The following ATP9A variants were observed in gnomAD, a reference collection of about 807,000 sequenced individuals.
The protein encoded by ATP9A is ATPase phospholipid transporting 9A.
A neutral mutation model predicts 144.1 loss-of-function variants in ATP9A; 52 were observed. That is an observed-to-expected ratio of 0.36 (90% CI 0.29 to 0.45). The LOEUF (loss-of-function observed/expected upper bound fraction) is 0.45. Among genes scored for constraint, ATP9A ranks in the 20% least tolerant of loss-of-function variants. The probability of loss-of-function intolerance (pLI) is 1.00; values close to 1 mark genes in which losing one functional copy is unlikely to be tolerated. For synonymous variants in ATP9A, 582 were observed against 557.4 expected (o/e 1.04, Z -0.62); for missense variants, 947 against 1,392.7 (o/e 0.68, Z 5.09).
rs76978326 is a variant in ATP9A at position 51,668,581 on chromosome 20, C to T, written c.1293+1416G>A. ...CCCCAAATCACCACACAGAGGAAGA[C>T]GGTCAAAGAGACAGAAAGGAAACGG... is the stretch of plus-strand genomic sequence containing the variant. On this transcript the variant is annotated intron_variant, in intron 13 of 27. Coordinates refer to ENST00000338821, the MANE Select transcript of ATP9A (RefSeq NM_006045.3). Among the ~76,000 whole-genome samples, 113 of 152,164 alleles carry T rather than the reference C, an allele frequency of 7.4e-4. No homozygotes were observed. The East Asian group carries it at 0.019, about 25-fold the overall frequency.
At chr20:51,758,238 A>G (rs1293949307) in intron 1 of ATP9A, among the ~76,000 whole-genome samples, 2 of 152,194 alleles carry the variant, frequency 1.3e-5, no homozygotes, top group African/African-American at 4.8e-5. Flanking sequence ...ATTAGAGAAA[A>G]CAGATACTAG....
chr20:51,720,014 A>T (rs1363876586), intron 3 of ATP9A, among the ~76,000 whole-genome samples: 1 of 152,200 alleles, frequency 6.6e-6, no homozygotes, highest in African/African-American at 2.4e-5. Context: ...ATGCCACTGC[A>T]CTCCAGCCTG....
intron 15 of ATP9A, among the ~76,000 whole-genome samples, chr20:51,633,440 G>A (rs2077277859): frequency 6.6e-6 from 1 of 152,124 alleles, no homozygotes; most frequent in African/African-American, 2.4e-5. Context: ...AAGGTCTTTT[G>A]TTGGGTGAAA....
intron 4 of ATP9A, among the ~76,000 whole-genome samples, chr20:51,708,306 AAAT>A (rs1229431424): frequency 1.3e-5 from 2 of 152,004 alleles, no homozygotes; most frequent in African/African-American, 2.4e-5. Flanking sequence ...AAAAAAAAAA[AAAT>A]GATACACCTT....
chr20:51,700,915 G>T (rs1180473105), intron 4 of ATP9A, among the ~76,000 whole-genome samples: 1 of 152,172 alleles, frequency 6.6e-6, no homozygotes. Context: ...TTCATGGCCT[G>T]AACCACTCTT....
intron 13 of ATP9A, among the ~76,000 whole-genome samples, chr20:51,662,008 CA>C (rs1169199988): frequency 1.3e-5 from 2 of 152,190 alleles, no homozygotes; most frequent in African/African-American, 2.4e-5. Flanking sequence ...TGTGAGGGGA[CA>C]GGGGTACTAT....
chr20:51,632,008 G>A (rs2077271956), intron 15 of ATP9A, among the ~76,000 whole-genome samples: 1 of 152,154 alleles, frequency 6.6e-6, no homozygotes, highest in South Asian at 2.1e-4. Flanking sequence ...ACCCAAACTG[G>A]GGCTGTCCAC....
chr20:51,697,464 C>A lies in ATP9A; in HGVS notation c.455G>T (p.Ser152Ile), dbSNP rs1205036443. 1 of 1,613,626 alleles carries A rather than the reference C, an allele frequency of 6.2e-7. No individual in the cohort carries two copies. The highest frequency in any genetic ancestry group is 1.1e-5 in the South Asian group (1 of 90,968). Residue 152 changes from serine to isoleucine, a missense_variant, in exon 5 of 28, where the codon AGT becomes ATT. Transcript: ENST00000338821. ...AAGGTCTCCAACTTGGATGTTAGAA[C>A]TCTTCACCTTCACTGTGCCTGCAAA... ...LTARGTVKVKSSNIQVGDLII... is the reference protein window; with the variant it reads ...LTARGTVKVKISNIQVGDLII...
At chr20:51,626,542 G>T (rs567783276) in intron 17 of ATP9A, among the ~76,000 whole-genome samples, 1 of 151,708 alleles carries the variant, frequency 6.6e-6, no homozygotes, top group Admixed American at 6.6e-5. Context: ...CAGATGCGGT[G>T]GCTCACACTT....
intron 1 of ATP9A, chr20:51,732,643 C>T (rs1272744116): frequency 7.0e-6 from 1 of 142,760 alleles, no homozygotes; most frequent in Non-Finnish European, 1.5e-5. Context: ...GTAACTCATT[C>T]TTGTTGGCCC....
chr20:51,629,119 C>G, intron 15 of ATP9A, 47 bp from the exon 16 acceptor site: 1 of 1,494,956 alleles, frequency 6.7e-7, no homozygotes, highest in Non-Finnish European at 9.3e-7. Flanking sequence ...GGAACACCCT[C>G]TTTCAGCGGC....
In ATP9A at chr20:51,725,839, A is replaced by G. The variant is rs2077709906; in HGVS notation, c.307T>C (p.Tyr103His). ...FVPEMRLGAL[Y>H]TYWVPLGFVL... The stretch of plus-strand genomic sequence containing the variant: ...CTTACCAGGGGAACCCAGTAGGTAT[A>G]GAGTGCACCAAGTCTCATTTCGGGA... The change falls in exon 3 of 28, where the codon TAT becomes CAT. Residue 103 changes from tyrosine (Y) to histidine (H), a missense_variant. By Grantham distance (83) the Tyr-to-His change is moderately conservative. This residue lies in a region of ATP9A where 770 missense variants were observed against 1,047.9 expected (regional missense o/e 0.73). Coordinates refer to ENST00000338821, the MANE Select transcript of ATP9A (RefSeq NM_006045.3). The G allele has an allele frequency of 6.2e-7, 1 of 1,608,440 alleles. No homozygotes were observed. Among genetic ancestry groups the G allele is most frequent in the Admixed American group, 1.7e-5 (1 of 59,988 alleles).
At chr20:51,702,361 T>G (rs2077597401) in intron 4 of ATP9A, among the ~76,000 whole-genome samples, 1 of 128,026 alleles carries the variant, frequency 7.8e-6, no homozygotes, top group Non-Finnish European at 1.6e-5. Flanking sequence ...ATGGTGTGTG[T>G]GTTCGTGTGT....
In ATP9A at chr20:51,611,630, T is replaced by C. The variant is rs1365591598; in HGVS notation, c.2572-1465A>G. On this transcript the variant is annotated intron_variant, in intron 23 of 27. Transcript: ENST00000338821. This position sits in a 1 kb window ranked among gnomAD's most constrained non-coding sequence, Gnocchi z 4.2. ...AGAACAATGCCTCATCCTGGAATTC[T>C]TTTTCTACATCAATGTTAACAGTAA... 1.3e-5 allele frequency among the ~76,000 whole-genome samples: 2 copies of C among 152,218 alleles called. No homozygotes were observed. Among genetic ancestry groups the C allele is most frequent in the African/African-American group, 2.4e-5 (1 of 41,444 alleles).
chr20:51,678,095 C>T (rs917231877), intron 9 of ATP9A, among the ~76,000 whole-genome samples: 4 of 128,722 alleles, frequency 3.1e-5, no homozygotes, highest in Non-Finnish European at 6.2e-5. Context: ...GGCTGAAAGT[C>T]AAGTCAAGCG....
intron 14 of ATP9A, among the ~76,000 whole-genome samples, chr20:51,641,400 C>G (rs977578851): frequency 6.6e-6 from 1 of 151,830 alleles, no homozygotes; most frequent in Non-Finnish European, 1.5e-5. Context: ...GCATGTGTGT[C>G]GTCTCAGTTA....
chr20:51,631,005 T>C (rs1026104184), intron 15 of ATP9A, among the ~76,000 whole-genome samples: 2 of 152,132 alleles, frequency 1.3e-5, no homozygotes, highest in Non-Finnish European at 2.9e-5. Flanking sequence ...CACTTCTGTC[T>C]GTTCGGCTCC....
intron 4 of ATP9A, among the ~76,000 whole-genome samples, chr20:51,708,251 A>G (rs2426382): frequency 0.78 from 117,152 of 150,314 alleles, 46,049 homozygotes; most frequent in African/African-American, 0.89. Context: ...TCGGGAGTTC[A>G]AAACCAGCCT....
intron 1 of ATP9A, among the ~76,000 whole-genome samples, chr20:51,766,201 C>G (rs2077903010): frequency 6.6e-6 from 1 of 152,142 alleles, no homozygotes. Flanking sequence ...ATCAGGGGAG[C>G]TTATTAAAAT....
Sources: allele counts gnomAD v4.1 joint callset (sites outside exome capture counted in the v4.1 genomes callset), GRCh38; gene constraint gnomAD v4.1.1; regional missense constraint gnomAD v4.1.1; non-coding constraint Gnocchi (gnomAD v3.1); transcripts MANE v1.5; gene names NCBI Gene and HGNC (gene_info 2026-07-23, HGNC 2026-07-21).